VPS37C: variants seen among roughly 807,000 people sequenced by gnomAD.
VPS37C encodes vacuolar protein sorting-associated protein 37C.
A neutral mutation model predicts 16.1 loss-of-function variants in VPS37C; 9 were observed. The observed-to-expected ratio is 0.56, with a 90% confidence interval of 0.34 to 0.97. The LOEUF is 0.97. Among genes scored for constraint, VPS37C ranks in the 50% least tolerant of loss-of-function variants. The pLI is 0.02. For synonymous variants in VPS37C, 207 were observed against 206.4 expected (o/e 1.00, Z -0.02); for missense variants, 479 against 472.7 (o/e 1.01, Z -0.12).
intron 2 of VPS37C, 127 bp downstream of exon 2, chr11:61,138,610 G>C: frequency 1.2e-6 from 1 of 820,972 alleles, no homozygotes; most frequent in Non-Finnish European, 2.0e-6. Flanking sequence ...TCCAAACCAG[G>C]ATGAAGTTCA....
At chr11:61,134,993 A>C (rs1426123794) in intron 2 of VPS37C, among the ~76,000 whole-genome samples, 3 of 152,222 alleles carry the variant, frequency 2.0e-5, no homozygotes, top group African/African-American at 7.2e-5. Flanking sequence ...AGGGCTGAGG[A>C]GTCAGACCTG....
chr11:61,146,280 C>A (rs1853205535), intron 1 of VPS37C, among the ~76,000 whole-genome samples: 1 of 152,250 alleles, frequency 6.6e-6, no homozygotes, highest in African/African-American at 2.4e-5. Flanking sequence ...TAAATGGGGG[C>A]AGCAGGATGT....
chr11:61,132,114 G>A lies in VPS37C; in HGVS notation c.774C>T (p.Tyr258=). 1 of 1,432,936 alleles carries A rather than the reference G, an allele frequency of 7.0e-7. No individual in the cohort carries two copies. Among genetic ancestry groups the A allele is most frequent in the South Asian group, 1.5e-5 (1 of 65,690 alleles). The allele number at this position is 1,432,936 out of a possible 1,614,324, so 88.8% of individuals were successfully genotyped here. Residue 258 remains tyrosine, a synonymous_variant, in exon 5 of 5, where the codon TAC becomes TAT. Transcript: ENST00000301765. ...GCATGCTCCTCTGTGGGGACCAGGA[G>A]TAACCCGCAGCACCCCTGGGTCCAA... ...AQLGPRGAAG[Y]SWSPQRSMPP... is the part of the protein sequence containing the mutation.
chr11:61,144,851 C>CT (rs920215887), intron 1 of VPS37C: 1 of 152,274 alleles, frequency 6.6e-6, no homozygotes, highest in Admixed American at 6.5e-5. Context: ...CACCAAGCTG[C>CT]TACCTCCTCT....
chr11:61,142,481 G>A (rs1025385300), intron 1 of VPS37C, among the ~76,000 whole-genome samples: 3 of 151,974 alleles, frequency 2.0e-5, no homozygotes, highest in Admixed American at 6.6e-5. Flanking sequence ...TAATCCTCCC[G>A]CCTTGACCTC....
At chr11:61,139,745 T>TTTG (rs200167827) in intron 1 of VPS37C, among the ~76,000 whole-genome samples, 78,711 of 141,816 alleles carry the variant, frequency 0.56, 22,493 homozygotes, top group East Asian at 0.97. Context: ...CCATAGCTTT[T>TTTG]TTTTTTTTTT....
intron 1 of VPS37C, among the ~76,000 whole-genome samples, chr11:61,150,445 C>T (rs558203797): frequency 5.3e-5 from 8 of 151,994 alleles, no homozygotes; most frequent in South Asian, 2.1e-4. Context: ...CAATGGGTGG[C>T]GGCGGGAGGG....
chr11:61,149,248 T>C (rs1189621201), intron 1 of VPS37C, among the ~76,000 whole-genome samples: 2 of 152,192 alleles, frequency 1.3e-5, no homozygotes, highest in African/African-American at 2.4e-5. Flanking sequence ...ATCGCGCCAC[T>C]GCATCCCAGC....
chr11:61,159,065 T>C (rs1853423104), intron 1 of VPS37C, among the ~76,000 whole-genome samples: 2 of 152,230 alleles, frequency 1.3e-5, no homozygotes, highest in South Asian at 4.1e-4. Context: ...TCTTGAGTGA[T>C]CTAATTTTGT....
rs369574233 is a variant in VPS37C at position 61,132,342 on chromosome 11, G to A, written c.546C>T (p.Val182=). The part of the protein sequence containing the change: ...PPRPPPPVRP[V]PQGTPPVVEE... The stretch of plus-strand genomic sequence containing the variant: ...CAACCACAGGGGGTGTTCCCTGGGG[G>A]ACTGGGCGCACCGGGGGTGGTGGAC... Residue 182 remains valine, a synonymous_variant, in exon 5 of 5, where the codon GTC becomes GTT. Coordinates refer to ENST00000301765, the MANE Select transcript of VPS37C (RefSeq NM_017966.5). 1 of 1,602,044 alleles carries A rather than the reference G, an allele frequency of 6.2e-7. No homozygotes were observed. Among genetic ancestry groups the A allele is most frequent in the Non-Finnish European group, 8.5e-7 (1 of 1,173,878 alleles).
In VPS37C at chr11:61,131,190, C is replaced by T. The variant is rs934275191; in HGVS notation, c.*630G>A. On this transcript the variant is annotated 3_prime_UTR_variant, in exon 5 of 5. Coordinates refer to ENST00000301765, the MANE Select transcript of VPS37C (RefSeq NM_017966.5). ...ACCCCCAGCCTTCTTGCTGGGCTGG[C>T]GCTGCTGCCACTCAAATAGGACATA... is the stretch of plus-strand genomic sequence containing the variant. 5 of 187,786 alleles carry T rather than the reference C, an allele frequency of 2.7e-5. No individual in the cohort carries two copies. Among genetic ancestry groups the T allele is most frequent in the African/African-American group, 7.2e-5 (3 of 41,586 alleles). The allele number at this position is 187,786 out of a possible 1,614,324, so 11.6% of individuals were successfully genotyped here.
chr11:61,132,830 C>T (rs1201927728), intron 4 of VPS37C: 2 of 562,078 alleles, frequency 3.6e-6, no homozygotes, highest in Admixed American at 6.2e-5. Flanking sequence ...ATGTGCTGAA[C>T]ACCTGGATGA....
At chr11:61,150,877 C>G (rs1432209563) in intron 1 of VPS37C, among the ~76,000 whole-genome samples, 1 of 152,208 alleles carries the variant, frequency 6.6e-6, no homozygotes, top group East Asian at 1.9e-4. Context: ...ACTGTTCCAT[C>G]AGTGTCAGGA....
chr11:61,150,812 G>A (rs1048893663), intron 1 of VPS37C, among the ~76,000 whole-genome samples: 4 of 152,040 alleles, frequency 2.6e-5, no homozygotes, highest in African/African-American at 9.7e-5. Flanking sequence ...GTAGAGTGTG[G>A]GGAGTCATCA....
intron 2 of VPS37C, among the ~76,000 whole-genome samples, chr11:61,135,787 G>A (rs1861359925): frequency 6.6e-6 from 1 of 152,126 alleles, no homozygotes; most frequent in East Asian, 1.9e-4. Flanking sequence ...AAGGCCTAAA[G>A]CCCTCCTGCT....
At chr11:61,146,167 A>G (rs1853204270) in intron 1 of VPS37C, among the ~76,000 whole-genome samples, 1 of 152,110 alleles carries the variant, frequency 6.6e-6, no homozygotes, top group East Asian at 1.9e-4. Flanking sequence ...TCTTCCCCTT[A>G]CCCCCGCCTG....
At chr11:61,132,601 C>T in intron 4 of VPS37C, 62 bp from the exon 5 acceptor site, 1 of 1,517,110 alleles carries the variant, frequency 6.6e-7, no homozygotes, top group Non-Finnish European at 8.8e-7. Context: ...TTGATTTTCC[C>T]CAGGGTCTGA....
chr11:61,132,929 G>C (rs1308279571), intron 4 of VPS37C: 3 of 529,138 alleles, frequency 5.7e-6, no homozygotes, highest in Non-Finnish European at 1.0e-5. Context: ...AGGCTGAAGA[G>C]GTGGCCGGAG....
At chr11:61,132,604 G>C in intron 4 of VPS37C, 65 bp from the exon 5 acceptor site, 1 of 1,516,152 alleles carries the variant, frequency 6.6e-7, no homozygotes, top group Non-Finnish European at 8.8e-7. Context: ...ATTTTCCCCA[G>C]GGTCTGAGTT....
Sources: allele counts gnomAD v4.1 joint callset (sites outside exome capture counted in the v4.1 genomes callset), GRCh38; gene constraint gnomAD v4.1.1; transcripts MANE v1.5; gene names NCBI Gene and HGNC (gene_info 2026-07-23, HGNC 2026-07-21).